ADRA1D: variants seen among roughly 807,000 people sequenced by gnomAD.
The protein encoded by ADRA1D is alpha-1D adrenergic receptor.
In ADRA1D, 22 loss-of-function variants were observed where a neutral mutation model predicts 18.6. The observed-to-expected ratio is 1.19, with a 90% CI of 0.85 to 1.69. ADRA1D has a LOEUF of 1.69. Ranked by LOEUF, ADRA1D falls within the 40% of genes most tolerant of loss-of-function variation. The pLI is 0.00. For synonymous variants in ADRA1D, 376 were observed against 388.2 expected, an observed-to-expected ratio of 0.97 and a Z score of 0.37; for missense variants, 840 against 840.7, an observed-to-expected ratio of 1.00 and a Z score of 0.01.
chr20:4,244,737 C>T (rs780037424), intron 1 of ADRA1D, among the ~76,000 whole-genome samples: 2 of 152,214 alleles, frequency 1.3e-5, no homozygotes, highest in Non-Finnish European at 2.9e-5. Flanking sequence ...GCCTCCAGAC[C>T]CCTCCTGCTC....
In ADRA1D at chr20:4,248,482, A is replaced by C. The variant is rs1490086110; in HGVS notation, c.476T>G (p.Leu159Arg). 6 of 1,613,456 alleles carry C rather than the reference A, an allele frequency of 3.7e-6. No homozygotes were observed. The highest frequency in any genetic ancestry group is 5.1e-6 in the Non-Finnish European group (6 of 1,179,836). The change falls in exon 1 of 2, where the codon CTG (leucine) becomes CGG (arginine). Residue 159 changes from leucine (L) to arginine (R), a missense_variant. Transcript: ENST00000379453. ...GGCGCGGCCAAAGGCCCAGAAGCCC[A>C]GAACCTCCATGGTGGCCGAGAAGGG... Reference protein sequence around the residue: ...VLPFSATMEVLGFWAFGRAFC... With the variant: ...VLPFSATMEVRGFWAFGRAFC...
At chr20:4,227,485 T>C (rs987598669) in intron 1 of ADRA1D, among the ~76,000 whole-genome samples, 1 of 152,168 alleles carries the variant, frequency 6.6e-6, no homozygotes. Flanking sequence ...ACTTGGCATC[T>C]AGTAGGTACC....
chr20:4,231,267 G>GTTATTATTATTATTATTATTATTATTA (rs58687402), intron 1 of ADRA1D, among the ~76,000 whole-genome samples: 23 of 138,918 alleles, frequency 1.7e-4, no homozygotes, highest in East Asian at 1.3e-3. Flanking sequence ...CTGGCTAATT[G>GTTATTATTATTATTATTATTATTATTA]TTATTATTAT....
At chr20:4,241,762 C>T (rs1050007953) in intron 1 of ADRA1D, among the ~76,000 whole-genome samples, 5 of 152,132 alleles carry the variant, frequency 3.3e-5, no homozygotes, top group African/African-American at 7.2e-5. Flanking sequence ...AGCACCTGGC[C>T]GACTCTCAGA....
intron 1 of ADRA1D, among the ~76,000 whole-genome samples, chr20:4,224,929 T>C (rs1005306902): frequency 1.0e-4 from 15 of 150,494 alleles, no homozygotes; most frequent in Admixed American, 3.3e-4. Context: ...TCCCATAGCA[T>C]CATATGGCAC....
intron 1 of ADRA1D, among the ~76,000 whole-genome samples, chr20:4,232,101 A>G (rs1402433978): frequency 6.6e-6 from 1 of 151,460 alleles, no homozygotes; most frequent in East Asian, 1.9e-4. Flanking sequence ...TTTAGTAGAG[A>G]CGGGGCTTCG....
In ADRA1D at chr20:4,248,001, G is replaced by C. The variant is rs1050165689; in HGVS notation, c.957C>G (p.His319Gln). The change falls in exon 1 of 2, where the codon CAC becomes CAG. Residue 319 changes from histidine (H) to glutamine (Q), a missense_variant. His to Gln is a conservative substitution (Grantham distance 24, BLOSUM62 0). Transcript: ENST00000379453. ...RGAATGADGA[H>Q]GMRSAKGHTF... The stretch of plus-strand genomic sequence containing the variant: ...TGTGGCCCTTGGCGCTGCGCATGCC[G>C]TGCGCCCCGTCGGCGCCCGTGGCCG... The C allele has an allele frequency of 5.8e-6, 9 of 1,561,480 alleles. No homozygotes were observed. The highest frequency in any genetic ancestry group is 4.8e-5 in the East Asian group (2 of 41,342).
rs1981438942 is a variant in ADRA1D, at chr20:4,248,989, G to A, written c.-32C>T. ...GCGCGGCCGTCGGTGGCCGGGCCGG[G>A]GCACAGAACGAGCGGCCGGCAGGGA... On this transcript the variant is annotated 5_prime_UTR_variant, in exon 1 of 2. Transcript: ENST00000379453. 2 of 1,295,138 alleles carry A rather than the reference G, an allele frequency of 1.5e-6. No individual in the cohort carries two copies. The highest frequency in any genetic ancestry group is 3.2e-5 in the African/African-American group (2 of 63,182). The allele number at this position is 1,295,138 out of a possible 1,614,324, so 80.2% of individuals were successfully genotyped here.
chr20:4,222,036 G>T lies in ADRA1D; in HGVS notation c.1206C>A (p.Tyr402Ter). The change falls in exon 2 of 2, where the codon TAC becomes TAA. Residue 402 changes from tyrosine (Y) to a stop codon, truncating the protein, a stop_gained. Transcript: ENST00000379453. LOFTEE classifies it low-confidence loss of function (END_TRUNC). This position sits in a 1 kb window ranked among gnomAD's most constrained non-coding sequence, Gnocchi z 4.3. Reference protein sequence around the residue: ...YFNSCVNPLIYPCSSREFKRA... With the variant: ...YFNSCVNPLI ...GCTTGAACTCGCGGCTGGAACAGGG[G>T]TAGATGAGCGGGTTCACGCAGCTGT... 6.2e-7 allele frequency: 1 copy of T among 1,611,608 alleles called. No individual in the cohort carries two copies. Among genetic ancestry groups the T allele is most frequent in the Admixed American group, 1.7e-5 (1 of 59,804 alleles).
intron 1 of ADRA1D, among the ~76,000 whole-genome samples, chr20:4,226,944 C>A (rs995591684): frequency 3.3e-5 from 5 of 152,228 alleles, no homozygotes; most frequent in Admixed American, 3.3e-4. Flanking sequence ...CCTACACCGC[C>A]CTGCACTTGC....
chr20:4,246,896 C>T (rs1981347845), intron 1 of ADRA1D, among the ~76,000 whole-genome samples: 1 of 152,174 alleles, frequency 6.6e-6, no homozygotes, highest in Non-Finnish European at 1.5e-5. Context: ...TCTTTCCTGA[C>T]TCAGCCTGGC....
intron 1 of ADRA1D, among the ~76,000 whole-genome samples, chr20:4,228,264 G>A (rs148168620): frequency 3.2e-4 from 49 of 152,210 alleles, no homozygotes; most frequent in African/African-American, 1.1e-3. Flanking sequence ...CCTTGAACAC[G>A]CTTGGGGTCT....
intron 1 of ADRA1D, among the ~76,000 whole-genome samples, chr20:4,225,071 G>T (rs1322078489): frequency 6.8e-6 from 1 of 147,760 alleles, no homozygotes; most frequent in Non-Finnish European, 1.5e-5. Context: ...GTGCGATCTC[G>T]GCTCACTGCA....
chr20:4,245,862 A>G (rs1267000871), intron 1 of ADRA1D, among the ~76,000 whole-genome samples: 1 of 152,162 alleles, frequency 6.6e-6, no homozygotes, highest in African/African-American at 2.4e-5. Flanking sequence ...TGCTTCTCCT[A>G]GTGTGTTGCT....
chr20:4,224,010 G>A (rs1371554408), intron 1 of ADRA1D, among the ~76,000 whole-genome samples: 2 of 152,190 alleles, frequency 1.3e-5, no homozygotes, highest in Admixed American at 1.3e-4. Context: ...GCCAGGATGA[G>A]GCAGGGCAGA....
chr20:4,240,354 A>G (rs2122672782), intron 1 of ADRA1D, among the ~76,000 whole-genome samples: 1 of 152,140 alleles, frequency 6.6e-6, no homozygotes, highest in East Asian at 1.9e-4. Flanking sequence ...TTTCAACACT[A>G]AGTAGATATT....
Position 4,221,952 on chromosome 20 carries a change from G to T in ADRA1D, c.1290C>A (p.Leu430=). The change falls in exon 2 of 2, where the codon CTC becomes CTA. Residue 430 remains leucine (L), a synonymous_variant. Transcript: ENST00000379453. ...QCRRRRRRRP[L]WRVYGHHWRA... ...GCCAGTGGTGGCCGTAGACACGCCA[G>T]AGAGGGCGGCGGCGCCGGCGACGAC... The T allele has an allele frequency of 6.5e-7, 1 of 1,546,210 alleles. No individual in the cohort carries two copies.
rs773340817 is a variant in ADRA1D, at chr20:4,248,563, T to C, written c.395A>G (p.Asn132Ser). ...ACNRHLQTVT[N>S]YFIVNLAVAD... The stretch of plus-strand genomic sequence containing the variant: ...CACGGCCAGGTTCACGATGAAATAG[T>C]TGGTGACGGTCTGCAGGTGGCGGTT... The change falls in exon 1 of 2, where the codon AAC becomes AGC. Residue 132 changes from asparagine to serine, a missense_variant. Physicochemically the swap from Asn to Ser is conservative, Grantham distance 46 (BLOSUM62 1). Transcript: ENST00000379453. 6.2e-7 allele frequency: 1 copy of C among 1,613,804 alleles called. No homozygotes were observed. The highest frequency in any genetic ancestry group is 8.5e-7 in the Non-Finnish European group (1 of 1,179,930).
intron 1 of ADRA1D, among the ~76,000 whole-genome samples, chr20:4,232,460 G>T (rs183521981): frequency 8.5e-4 from 130 of 152,324 alleles, no homozygotes; most frequent in Non-Finnish European, 1.2e-3. Context: ...GTCCTCAAGG[G>T]CGCCTTGCAG....
Sources: gnomAD v4.1 joint callset for allele counts (sites outside exome capture counted in the v4.1 genomes callset) on GRCh38, gnomAD v4.1.1 for gene constraint, Gnocchi (gnomAD v3.1) non-coding constraint, MANE v1.5 for transcripts, NCBI Gene and HGNC (gene_info 2026-07-23, HGNC 2026-07-21) for gene names.